The following CHD9 variants were observed in gnomAD, a reference collection of about 807,000 sequenced individuals.
CHD9 encodes the protein ATP-dependent chromatin remodeler CHD9.
In CHD9, 77 loss-of-function variants were observed where a neutral mutation model predicts 316.1. The observed-to-expected ratio is 0.24, with a 90% confidence interval of 0.20 to 0.29. CHD9 has a LOEUF of 0.29. CHD9 is among the 10% of genes least tolerant of loss of function. The pLI is 1.00. For synonymous variants in CHD9, 1,129 were observed against 1,158.3 expected, an observed-to-expected ratio of 0.97 and a Z score of 0.51; for missense variants, 2,763 against 3,438.1, an observed-to-expected ratio of 0.80 and a Z score of 4.91.
chr16:53,242,722 A>C lies in CHD9; in HGVS notation c.2878-118A>C, dbSNP rs558633953. ...GTTTTCATTGTAAGGGAGTGTCTGC[A>C]TATGTAAAAATTTCATTAGAAATGT... On this transcript the variant is annotated intron_variant, in intron 12 of 38. Coordinates refer to ENST00000447540, the MANE Select transcript of CHD9 (RefSeq NM_001308319.2). 808 of 811,646 alleles carry C rather than the reference A, an allele frequency of 1.0e-3. 13 individuals carry two copies. The South Asian group carries it at 0.012, about 12-fold the overall frequency. The allele number at this position is 811,646 out of a possible 1,614,324, so 50.3% of individuals were successfully genotyped here. A position where few individuals can be genotyped will look rare whatever the true frequency, so the allele number is the denominator to read the frequency against.
chr16:53,190,157 T>C (rs982764542), intron 2 of CHD9, among the ~76,000 whole-genome samples: 25 of 152,196 alleles, frequency 1.6e-4, no homozygotes, highest in East Asian at 1.9e-4. Flanking sequence ...TAAATCTCTC[T>C]ATTTGTAAGA....
chr16:53,084,699 C>T (rs528182981), intron 1 of CHD9, among the ~76,000 whole-genome samples: 3 of 152,290 alleles, frequency 2.0e-5, no homozygotes, highest in South Asian at 2.1e-4. Flanking sequence ...GCTGAGATCA[C>T]GCCACTGCAC....
chr16:53,120,865 G>T (rs2038695973), intron 1 of CHD9, among the ~76,000 whole-genome samples: 1 of 152,036 alleles, frequency 6.6e-6, no homozygotes, highest in South Asian at 2.1e-4. Flanking sequence ...AATTAGCTGG[G>T]TGTGGTGGTG....
chr16:53,229,519 A>G (rs973497837), intron 8 of CHD9, among the ~76,000 whole-genome samples: 1 of 152,168 alleles, frequency 6.6e-6, no homozygotes, highest in Non-Finnish European at 1.5e-5. Context: ...GGAAAAATTT[A>G]CCTCTCTAGG....
chr16:53,212,242 A>C (rs1315839943), intron 3 of CHD9, among the ~76,000 whole-genome samples: 1 of 152,062 alleles, frequency 6.6e-6, no homozygotes, highest in Non-Finnish European at 1.5e-5. Context: ...TCTACTAAAA[A>C]TACAAAAACA....
chr16:53,142,980 G>A (rs576132172), intron 1 of CHD9, among the ~76,000 whole-genome samples: 2 of 152,226 alleles, frequency 1.3e-5, no homozygotes, highest in South Asian at 2.1e-4. Flanking sequence ...AAAGCAGAGG[G>A]GCAAGAGAGC....
rs1012538440 is a variant in CHD9, at chr16:53,055,086, C to G, written c.-165+9C>G. ...CAGCGCCGGCAGCCAAGGTAGGATT[C>G]CTGAGCCCCGGGCGTCTCCCTGGAG... On this transcript the variant is annotated intron_variant, in intron 1 of 38. Transcript: ENST00000447540. The G allele has an allele frequency of 6.6e-6, 1 of 152,358 alleles. No homozygotes were observed. Among genetic ancestry groups the G allele is most frequent in the African/African-American group, 2.4e-5 (1 of 41,470 alleles). The allele number at this position is 152,358 out of a possible 1,614,324, so 9.4% of individuals were successfully genotyped here. A position where few individuals can be genotyped will look rare whatever the true frequency, so the allele number is the denominator to read the frequency against.
chr16:53,110,250 G>A (rs2037758831), intron 1 of CHD9, among the ~76,000 whole-genome samples: 1 of 152,066 alleles, frequency 6.6e-6, no homozygotes. Context: ...ACCTAAAATA[G>A]AGAAGACAAT....
chr16:53,132,098 T>C (rs552285322), intron 1 of CHD9, among the ~76,000 whole-genome samples: 2 of 136,686 alleles, frequency 1.5e-5, no homozygotes, highest in East Asian at 2.1e-4. Context: ...TTAAAAAAAA[T>C]TTTTTTTGGG....
chr16:53,314,219 T>C (rs1267812496), intron 34 of CHD9, among the ~76,000 whole-genome samples, 158 bp from the exon 35 acceptor site: 1 of 152,150 alleles, frequency 6.6e-6, no homozygotes, highest in Admixed American at 6.5e-5. Context: ...TTCAGGTTTT[T>C]AAATGAGAGG....
At chr16:53,071,011 A>C (rs1445132916) in intron 1 of CHD9, among the ~76,000 whole-genome samples, 3 of 151,998 alleles carry the variant, frequency 2.0e-5, no homozygotes, top group Admixed American at 1.3e-4. Flanking sequence ...TTTAGGGTGG[A>C]TTTTTCTATT....
At chr16:53,258,862 A>T (rs1390217684) in intron 19 of CHD9, among the ~76,000 whole-genome samples, 1 of 152,180 alleles carries the variant, frequency 6.6e-6, no homozygotes, top group Non-Finnish European at 1.5e-5. Context: ...TAAAAATTTG[A>T]TAGAGAACAA....
At chr16:53,183,020 C>G (rs879832099) in intron 2 of CHD9, among the ~76,000 whole-genome samples, 28 of 152,218 alleles carry the variant, frequency 1.8e-4, no homozygotes, top group African/African-American at 6.5e-4. Flanking sequence ...CAATCAACAA[C>G]GATTCACCTT....
At chr16:53,242,759 T>C (rs1597603156) in intron 12 of CHD9, 81 bp from the exon 13 acceptor site, 6 of 1,217,780 alleles carry the variant, frequency 4.9e-6, no homozygotes, top group Non-Finnish European at 7.1e-6. Context: ...TTATAACAGA[T>C]GTTATCTGAT....
At chr16:53,191,123 G>A (rs1479766041) in intron 2 of CHD9, among the ~76,000 whole-genome samples, 1 of 152,004 alleles carries the variant, frequency 6.6e-6, no homozygotes, top group Non-Finnish European at 1.5e-5. Context: ...CTGGCCCCAG[G>A]CAATCACTGA....
chr16:53,063,358 T>TCACACACACACA (rs67988137), intron 1 of CHD9, among the ~76,000 whole-genome samples: 2,682 of 137,046 alleles, frequency 0.02, 34 homozygotes, highest in Non-Finnish European at 0.025. Context: ...CTCATAAATT[T>TCACACACACACA]CACACACACA....
chr16:53,228,185 C>T (rs1223199782), intron 7 of CHD9, among the ~76,000 whole-genome samples: 1 of 151,794 alleles, frequency 6.6e-6, no homozygotes, highest in Non-Finnish European at 1.5e-5. Flanking sequence ...AATTTATAGA[C>T]AGCATTCATT....
intron 2 of CHD9, among the ~76,000 whole-genome samples, chr16:53,163,700 A>G (rs1256077656): frequency 2.0e-5 from 3 of 152,232 alleles, no homozygotes; most frequent in Non-Finnish European, 4.4e-5. Context: ...CTAAAGTTCC[A>G]TATAAAAGTA....
At chr16:53,207,427 A>G (rs1216372682) in intron 2 of CHD9, among the ~76,000 whole-genome samples, 1 of 152,216 alleles carries the variant, frequency 6.6e-6, no homozygotes, top group Non-Finnish European at 1.5e-5. Context: ...TAAGACGATG[A>G]AACAATTTTA....
Sources: allele counts gnomAD v4.1 joint callset (sites outside exome capture counted in the v4.1 genomes callset), GRCh38; gene constraint gnomAD v4.1.1; transcripts MANE v1.5; gene names NCBI Gene and HGNC (gene_info 2026-07-23, HGNC 2026-07-21).